Variants in MAP2K6 observed in about 807,000 individuals in gnomAD.
The protein encoded by MAP2K6 is dual specificity mitogen-activated protein kinase kinase 6.
MAP2K6 carries 16 observed loss-of-function variants against 53.7 expected under a neutral mutation model. The observed-to-expected ratio is 0.30, with a 90% CI of 0.20 to 0.45. The LOEUF is 0.45. Among genes scored for constraint, MAP2K6 ranks in the 20% least tolerant of loss-of-function variants. MAP2K6 has a pLI of 1.00. For synonymous variants in MAP2K6, 132 were observed against 143.1 expected (o/e 0.92, Z 0.55); for missense variants, 204 against 411.9 (o/e 0.50, Z 4.37).
chr17:69,475,235 C>T (rs1369763685), intron 1 of MAP2K6, among the ~76,000 whole-genome samples: 2 of 135,722 alleles, frequency 1.5e-5, no homozygotes, highest in South Asian at 2.4e-4. Flanking sequence ...GTGGCGCGAT[C>T]TCGGCTCACT....
chr17:69,549,432 G>A lies in MAP2K6; in HGVS notation c.*7679G>A, dbSNP rs1442893207. The A allele has an allele frequency of 6.6e-6, 1 of 152,174 alleles. No individual in the cohort carries two copies. Among genetic ancestry groups the A allele is most frequent in the Non-Finnish European group, 1.5e-5 (1 of 68,040 alleles). 9.4% of individuals were successfully genotyped at this position (152,174 alleles called of 1,614,324 possible). On this transcript the variant is annotated 3_prime_UTR_variant, in exon 12 of 12. Transcript: ENST00000590474. ...TGTAGCTTAGACCAGGCCTTCAAAA[G>A]TCTTTTCTGTTTTCCTTTGCTACAA...
chr17:69,457,455 A>T (rs1050394234), intron 1 of MAP2K6, among the ~76,000 whole-genome samples: 3 of 152,094 alleles, frequency 2.0e-5, no homozygotes, highest in African/African-American at 7.2e-5. Context: ...CTTCTTATTA[A>T]AGTCTGTCCT....
intron 1 of MAP2K6, among the ~76,000 whole-genome samples, chr17:69,429,902 G>T (rs1391399268): frequency 6.6e-6 from 1 of 152,164 alleles, no homozygotes; most frequent in African/African-American, 2.4e-5. Flanking sequence ...TGTGGGGCCT[G>T]GGCATCCCTT....
intron 1 of MAP2K6, among the ~76,000 whole-genome samples, chr17:69,443,146 G>C (rs1047554475): frequency 6.6e-6 from 1 of 151,624 alleles, no homozygotes; most frequent in Non-Finnish European, 1.5e-5. Flanking sequence ...TGAATTTATT[G>C]TACCTCTCTC....
chr17:69,495,269 G>A (rs1049422372), intron 1 of MAP2K6, among the ~76,000 whole-genome samples: 7 of 150,042 alleles, frequency 4.7e-5, no homozygotes, highest in Middle Eastern at 3.5e-3. Context: ...CTGGAGTCTC[G>A]CTCTTGTCGC....
chr17:69,452,490 G>A (rs1040714201), intron 1 of MAP2K6, among the ~76,000 whole-genome samples: 1 of 152,102 alleles, frequency 6.6e-6, no homozygotes, highest in African/African-American at 2.4e-5. Context: ...AAGCAAATGC[G>A]TATCACATTG....
intron 1 of MAP2K6, among the ~76,000 whole-genome samples, chr17:69,468,381 C>A (rs986191297): frequency 1.3e-5 from 2 of 152,220 alleles, no homozygotes; most frequent in Non-Finnish European, 2.9e-5. Context: ...ATTCAACAAC[C>A]ATTTACGAGC....
intron 1 of MAP2K6, among the ~76,000 whole-genome samples, chr17:69,459,482 T>A (rs1347057565): frequency 6.6e-6 from 1 of 151,982 alleles, no homozygotes; most frequent in Non-Finnish European, 1.5e-5. Context: ...GAGGCCGAGA[T>A]AGGTGGATCA....
At chr17:69,493,482 T>C (rs1398996628) in intron 1 of MAP2K6, among the ~76,000 whole-genome samples, 1 of 152,138 alleles carries the variant, frequency 6.6e-6, no homozygotes, top group Non-Finnish European at 1.5e-5. Flanking sequence ...CAGCTGCAGC[T>C]GGGCGTGGTG....
chr17:69,525,313 C>T lies in MAP2K6; in HGVS notation c.741+335C>T, dbSNP rs1001580466. ...CCTTATAGTTTAAAATTAAATTATT[C>T]GAGCCAAGGCAAGAAGCTTAAGCTG... is the stretch of plus-strand genomic sequence containing the variant. On this transcript the variant is annotated intron_variant, in intron 9 of 11. Transcript: ENST00000590474. 5.7e-4 allele frequency among the ~76,000 whole-genome samples: 87 copies of T among 152,080 alleles called. 3 individuals are homozygous for T. Among genetic ancestry groups the T allele is most frequent in the Admixed American group, 6.6e-5 (1 of 15,262 alleles).
chr17:69,499,859 C>T (rs1346711467), intron 1 of MAP2K6, among the ~76,000 whole-genome samples: 1 of 152,138 alleles, frequency 6.6e-6, no homozygotes, highest in African/African-American at 2.4e-5. Context: ...CATTTTTCAA[C>T]TAAAATATCA....
intron 1 of MAP2K6, 121 bp from the exon 2 acceptor site, chr17:69,505,659 G>T (rs557034578): frequency 3.9e-6 from 3 of 769,492 alleles, no homozygotes; most frequent in South Asian, 2.8e-5. Flanking sequence ...AGGAAGTGGC[G>T]CTTTGAATGG....
chr17:69,418,250 G>C (rs1297500131), intron 1 of MAP2K6, among the ~76,000 whole-genome samples: 1 of 152,148 alleles, frequency 6.6e-6, no homozygotes, highest in Non-Finnish European at 1.5e-5. Context: ...GTTCTTTAGA[G>C]CATGCGGCCT....
At chr17:69,504,844 T>C (rs1271478414) in intron 1 of MAP2K6, among the ~76,000 whole-genome samples, 1 of 152,236 alleles carries the variant, frequency 6.6e-6, no homozygotes, top group Non-Finnish European at 1.5e-5. Context: ...CTTCCTTGCA[T>C]AAGCTCATCT....
intron 1 of MAP2K6, among the ~76,000 whole-genome samples, chr17:69,444,727 C>T (rs1191027468): frequency 6.6e-6 from 1 of 152,064 alleles, no homozygotes. Context: ...GATGAGTATC[C>T]AGCACTTTAA....
rs1160282610 is a variant in MAP2K6, at chr17:69,419,147, G to T, written c.16+4147G>T. ...TTTTAACAACCGTGAATTTTAATTT[G>T]TAAGAATGTAGCCATTTACTTAATG... On this transcript the variant is annotated intron_variant, in intron 1 of 11. Transcript: ENST00000590474. Among the ~76,000 whole-genome samples the T allele has an allele frequency of 2.0e-5, 3 of 152,236 alleles. No individual in the cohort carries two copies. The East Asian group carries it at 5.8e-4, about 29-fold the overall frequency.
Position 69,464,624 on chromosome 17 carries a change from C to T in MAP2K6, c.17-41156C>T, listed in dbSNP as rs534847474. On this transcript the variant is annotated intron_variant, in intron 1 of 11. Coordinates refer to ENST00000590474, the MANE Select transcript of MAP2K6 (RefSeq NM_002758.4). ...CTCAAACTCCTGACCTCAAGTGATC[C>T]GCCCATCTCAGTCCCCCGAAGTGCT... is the stretch of plus-strand genomic sequence containing the variant. 2.1e-4 allele frequency among the ~76,000 whole-genome samples: 32 copies of T among 152,034 alleles called. 3 individuals are homozygous for T. Among genetic ancestry groups the T allele is most frequent in the African/African-American group, 2.9e-4 (12 of 41,450 alleles).
At chr17:69,417,772 A>T (rs1305061887) in intron 1 of MAP2K6, among the ~76,000 whole-genome samples, 1 of 152,246 alleles carries the variant, frequency 6.6e-6, no homozygotes, top group Non-Finnish European at 1.5e-5. Flanking sequence ...GTTATCAGCC[A>T]TAATGATCTC....
intron 2 of MAP2K6, among the ~76,000 whole-genome samples, chr17:69,508,211 C>G (rs1909629359): frequency 6.6e-6 from 1 of 150,890 alleles, no homozygotes; most frequent in Non-Finnish European, 1.5e-5. Flanking sequence ...GCCACCATGC[C>G]CAGCTGATTT....
Sources: gnomAD v4.1 joint callset for allele counts (sites outside exome capture counted in the v4.1 genomes callset) on GRCh38, gnomAD v4.1.1 for gene constraint, MANE v1.5 for transcripts, NCBI Gene and HGNC (gene_info 2026-07-23, HGNC 2026-07-21) for gene names.